The following KYAT1 variants were observed in gnomAD, a reference collection of about 807,000 sequenced individuals.
KYAT1 encodes the protein kynurenine--oxoglutarate transaminase 1.
KYAT1 carries 47 observed loss-of-function variants against 52.4 expected under a neutral mutation model. That is an observed-to-expected ratio of 0.90 (90% confidence interval 0.71 to 1.14). The LOEUF (loss-of-function observed/expected upper bound fraction) is 1.14, where lower values mean the gene tolerates loss of function less well. Ranked by LOEUF, KYAT1 falls within the 50% of genes most tolerant of loss-of-function variation. The pLI is 0.00. For synonymous variants in KYAT1, 212 were observed against 209.6 expected (o/e 1.01, Z -0.10); for missense variants, 480 against 557.9 (o/e 0.86, Z 1.41).
chr9:128,841,065 TGCA>T (rs1303174313), intron 3 of KYAT1, among the ~76,000 whole-genome samples: 1 of 152,202 alleles, frequency 6.6e-6, no homozygotes, highest in African/African-American at 2.4e-5. Flanking sequence ...CAGAACAGTA[TGCA>T]GCCATTAAAA....
chr9:128,860,244 T>C (rs1835274370), intron 1 of KYAT1: 1 of 152,272 alleles, frequency 6.6e-6, no homozygotes, highest in Non-Finnish European at 1.5e-5. Flanking sequence ...CTCAGTCCAC[T>C]GACTCCCACG....
rs533865870 is a variant in KYAT1, at chr9:128,842,933, G to A, written c.54-132C>T. 8.2e-4 allele frequency: 638 copies of A among 778,768 alleles called. 1 individual carries two copies. Among genetic ancestry groups the A allele is most frequent in the Admixed American group, 1.8e-3 (60 of 32,880 alleles). 48.2% of individuals were successfully genotyped at this position (778,768 alleles called of 1,614,324 possible). On this transcript the variant is annotated intron_variant, in intron 2 of 12. Coordinates refer to ENST00000302586, the MANE Select transcript of KYAT1 (RefSeq NM_004059.5). Reference sequence around the variant, plus strand: ...TGTAATCCCAGCACTTTGGGAGGCCGAGGTGGGCGGATCACCTGAGGTCAG... The same window carrying A: ...TGTAATCCCAGCACTTTGGGAGGCCAAGGTGGGCGGATCACCTGAGGTCAG...
intron 1 of KYAT1, among the ~76,000 whole-genome samples, chr9:128,868,051 G>A (rs1002040637): frequency 1.3e-5 from 2 of 151,600 alleles, no homozygotes; most frequent in Non-Finnish European, 2.9e-5. Context: ...GGGATTACAG[G>A]CGTGAGCCAC....
intron 6 of KYAT1, 94 bp downstream of exon 6, chr9:128,837,591 C>A (rs139763644): frequency 6.9e-7 from 1 of 1,446,750 alleles, no homozygotes; most frequent in Non-Finnish European, 9.5e-7. Flanking sequence ...CACACACAAA[C>A]GAAGAAACGG....
At chr9:128,846,960 A>T in intron 1 of KYAT1, 4 of 1,044,390 alleles carry the variant, frequency 3.8e-6, no homozygotes, top group Non-Finnish European at 2.7e-6. Context: ...TCTCCATCTA[A>T]CAGATGAGGA....
In KYAT1 at chr9:128,833,393, G is replaced by A; in HGVS notation, c.*191C>T. On this transcript the variant is annotated 3_prime_UTR_variant, in exon 13 of 13. Coordinates refer to ENST00000302586, the MANE Select transcript of KYAT1 (RefSeq NM_004059.5). ...CAGGTCAGGCCACCCTCACCTTTCA[G>A]ACAGGAGGCACTTGGTTCTCTAAGA... 2 of 653,086 alleles carry A rather than the reference G, an allele frequency of 3.1e-6. No individual in the cohort carries two copies. Among genetic ancestry groups the A allele is most frequent in the Non-Finnish European group, 5.3e-6 (2 of 374,466 alleles). 40.5% of individuals were successfully genotyped at this position (653,086 alleles called of 1,614,324 possible).
chr9:128,840,544 C>A, intron 3 of KYAT1: 1 of 402,326 alleles, frequency 2.5e-6, no homozygotes, highest in South Asian at 1.9e-5. Flanking sequence ...AGCCACCATA[C>A]CCAGCTTTTG....
intron 1 of KYAT1, among the ~76,000 whole-genome samples, chr9:128,870,037 C>T (rs928121135): frequency 3.9e-5 from 6 of 152,040 alleles, no homozygotes; most frequent in African/African-American, 7.2e-5. Context: ...TACCCGGGCC[C>T]GGCAGATAAT....
At chr9:128,864,865 T>G (rs1325512450) in intron 1 of KYAT1, among the ~76,000 whole-genome samples, 1 of 151,854 alleles carries the variant, frequency 6.6e-6, no homozygotes, top group Non-Finnish European at 1.5e-5. Context: ...TGCCTAGGCC[T>G]CCCAAAGTGC....
At chr9:128,845,866 C>A (rs1003249199) in intron 1 of KYAT1, among the ~76,000 whole-genome samples, 1 of 152,184 alleles carries the variant, frequency 6.6e-6, no homozygotes, top group Admixed American at 6.6e-5. Flanking sequence ...CCATTTCATT[C>A]CCTGAATGAC....
chr9:128,862,682 C>T (rs762467779), intron 1 of KYAT1, among the ~76,000 whole-genome samples: 3 of 152,212 alleles, frequency 2.0e-5, no homozygotes, highest in Admixed American at 6.5e-5. Flanking sequence ...GGCACCTGTG[C>T]TGCACACGGA....
chr9:128,839,519 G>A (rs1831748002), intron 3 of KYAT1, among the ~76,000 whole-genome samples: 1 of 152,130 alleles, frequency 6.6e-6, no homozygotes, highest in South Asian at 2.1e-4. Flanking sequence ...GCTCTACTCG[G>A]GAGGCTGAGG....
At position 128,838,079 on chromosome 9, in the gene KYAT1, C is replaced by T. The variant is rs780587256; in HGVS notation, c.410G>A (p.Gly137Asp). Residue 137 changes from glycine (G) to aspartate (D), a missense_variant, in exon 5 of 13, where the codon GGT (glycine) becomes GAT (aspartate). Coordinates refer to ENST00000302586, the MANE Select transcript of KYAT1 (RefSeq NM_004059.5). ...CYEPMTMMAG[G>D]RPVFVSLKPG... ...CTTCAGGGACACAAACACAGGACGA[C>T]CCCCTGCCATCATTGTCATGGGCTC... 6.2e-7 allele frequency: 1 copy of T among 1,614,028 alleles called. No individual in the cohort carries two copies. The highest frequency in any genetic ancestry group is 2.2e-5 in the East Asian group (1 of 44,898).
intron 1 of KYAT1, among the ~76,000 whole-genome samples, chr9:128,868,666 A>G (rs1219517369): frequency 6.6e-6 from 1 of 150,932 alleles, no homozygotes; most frequent in Non-Finnish European, 1.5e-5. Context: ...TTTCCTGAGT[A>G]GCTGGGACTA....
intron 1 of KYAT1, among the ~76,000 whole-genome samples, chr9:128,863,965 C>T (rs1209451744): frequency 6.6e-6 from 1 of 152,162 alleles, no homozygotes; most frequent in Non-Finnish European, 1.5e-5. Context: ...AGGAAGCAGG[C>T]CTTCCCTAGT....
intron 5 of KYAT1, 91 bp downstream of exon 5, chr9:128,837,960 C>A (rs1831425623): frequency 6.6e-7 from 1 of 1,511,644 alleles, no homozygotes; most frequent in South Asian, 1.1e-5. Flanking sequence ...TGGCTTCCTT[C>A]ACTTCTTTCC....
chr9:128,844,720 C>A (rs1328039057), intron 2 of KYAT1, among the ~76,000 whole-genome samples: 2 of 151,178 alleles, frequency 1.3e-5, no homozygotes, highest in African/African-American at 2.4e-5. Context: ...AAAAAATTAG[C>A]TGGGCGTTGT....
At chr9:128,851,876 A>C (rs1833996128) in intron 1 of KYAT1, among the ~76,000 whole-genome samples, 1 of 152,178 alleles carries the variant, frequency 6.6e-6, no homozygotes, top group South Asian at 2.1e-4. Flanking sequence ...AAAGTCCAGA[A>C]TCATTGGGGC....
Position 128,833,453 on chromosome 9 carries a change from G to T in KYAT1, c.*131C>A. 1 of 915,032 alleles carries T rather than the reference G, an allele frequency of 1.1e-6. No homozygotes were observed. The highest frequency in any genetic ancestry group is 1.7e-6 in the Non-Finnish European group (1 of 580,016). 56.7% of individuals were successfully genotyped at this position (915,032 alleles called of 1,614,324 possible). On this transcript the variant is annotated 3_prime_UTR_variant, in exon 13 of 13. Transcript: ENST00000302586. ...GCGGCTCCCACCCAGAACATTCTGT[G>T]TCACGGAGAAGAGGTTTCCCAATAG...
Sources: allele counts gnomAD v4.1 joint callset (sites outside exome capture counted in the v4.1 genomes callset), GRCh38; gene constraint gnomAD v4.1.1; transcripts MANE v1.5; gene names NCBI Gene and HGNC (gene_info 2026-07-23, HGNC 2026-07-21).